Variants in PTPN5 observed in about 807,000 individuals in gnomAD.
PTPN5 encodes the protein tyrosine-protein phosphatase non-receptor type 5.
In PTPN5, 29 loss-of-function variants were observed where a neutral mutation model predicts 73.9. The ratio of observed to expected loss-of-function variants is 0.39; its 90% CI spans 0.29 to 0.54. The LOEUF is 0.54. Ranked by LOEUF, PTPN5 falls within the 20% of genes least tolerant of loss-of-function variation. PTPN5 has a pLI of 0.65. For synonymous variants in PTPN5, 267 were observed against 304.7 expected (o/e 0.88, Z 1.29); for missense variants, 652 against 751.4 (o/e 0.87, Z 1.55).
intron 3 of PTPN5, among the ~76,000 whole-genome samples, chr11:18,755,643 T>A (rs2134265589): frequency 6.6e-6 from 1 of 152,080 alleles, no homozygotes; most frequent in East Asian, 1.9e-4. Flanking sequence ...TTCCAAATGG[T>A]CTTGCTTGTG....
At chr11:18,790,591 CT>C (rs1368784803) in intron 1 of PTPN5, among the ~76,000 whole-genome samples, 4 of 152,154 alleles carry the variant, frequency 2.6e-5, no homozygotes, top group African/African-American at 4.8e-5. Flanking sequence ...TTAAAGCCCC[CT>C]CTCCCCTTTT....
Position 18,729,109 on chromosome 11 carries a change from A to G in PTPN5, c.1605-82T>C, listed in dbSNP as rs947631669. ...GTGCCCCAAAAGCCATGGAGTAGCA[A>G]TCACTTGCCAGGCCTTGCCCCTGTG... On this transcript the variant is annotated intron_variant, in intron 14 of 14. Transcript: ENST00000358540. This position sits in a 1 kb window ranked among gnomAD's most constrained non-coding sequence, Gnocchi z 5.2. 4 of 1,442,078 alleles carry G rather than the reference A, an allele frequency of 2.8e-6. No homozygotes were observed. Among genetic ancestry groups the G allele is most frequent in the Non-Finnish European group, 3.8e-6 (4 of 1,042,708 alleles). The allele number at this position is 1,442,078 out of a possible 1,614,324, so 89.3% of individuals were successfully genotyped here.
chr11:18,776,599 G>A (rs1457001782), intron 1 of PTPN5, among the ~76,000 whole-genome samples: 1 of 152,012 alleles, frequency 6.6e-6, no homozygotes, highest in Non-Finnish European at 1.5e-5. Flanking sequence ...AGAACCATAT[G>A]AGGTAAAAAG....
At chr11:18,778,834 A>G (rs1851289485) in intron 1 of PTPN5, among the ~76,000 whole-genome samples, 1 of 152,148 alleles carries the variant, frequency 6.6e-6, no homozygotes, top group African/African-American at 2.4e-5. Context: ...GAACAGTCTG[A>G]TACACCCCGG....
intron 3 of PTPN5, among the ~76,000 whole-genome samples, chr11:18,757,879 T>C (rs1222197065): frequency 6.6e-6 from 1 of 152,232 alleles, no homozygotes; most frequent in Non-Finnish European, 1.5e-5. Context: ...AACAGTTAGC[T>C]ATCTAGACAT....
chr11:18,785,724 C>T (rs909094688), intron 1 of PTPN5, among the ~76,000 whole-genome samples: 1 of 152,162 alleles, frequency 6.6e-6, no homozygotes, highest in Non-Finnish European at 1.5e-5. Context: ...TGTTTCATGT[C>T]GACTCTTCAG....
chr11:18,770,634 C>T (rs946914917), intron 2 of PTPN5, among the ~76,000 whole-genome samples: 8 of 152,360 alleles, frequency 5.3e-5, no homozygotes, highest in Admixed American at 3.9e-4. Context: ...CTCCTCCCAT[C>T]ACGCTTGTGG....
rs185831265 is a variant in PTPN5, at chr11:18,743,124, C to T, written c.400-49G>A. 5.1e-4 allele frequency: 699 copies of T among 1,370,416 alleles called. 8 individuals are homozygous for T. The East Asian group carries it at 0.012, about 24-fold the overall frequency. The allele number at this position is 1,370,416 out of a possible 1,614,324, so 84.9% of individuals were successfully genotyped here. On this transcript the variant is annotated intron_variant, in intron 5 of 14. Transcript: ENST00000358540. Reference sequence around the variant, plus strand: ...TCAGGGTGGTGGTGGGGGCAGAGTTCTCAGCTCTTGCAATGATGACAAAAC... The same window carrying T: ...TCAGGGTGGTGGTGGGGGCAGAGTTTTCAGCTCTTGCAATGATGACAAAAC...
intron 1 of PTPN5, among the ~76,000 whole-genome samples, chr11:18,787,703 C>T (rs1851732475): frequency 6.6e-6 from 1 of 152,180 alleles, no homozygotes. Flanking sequence ...TATTTAAAGG[C>T]AGATCTCTTT....
In PTPN5 at chr11:18,749,010, A is replaced by C. The variant is rs939559109; in HGVS notation, c.98-4811T>G. Among the ~76,000 whole-genome samples the C allele has an allele frequency of 2.0e-5, 3 of 152,006 alleles. No homozygotes were observed. In the South Asian group the frequency reaches 6.2e-4, roughly 32 times the overall value. ...TTCCCTGCCCTCTCCTTTACTCACT[A>C]TCTTGTTCTGGGAATAATACCACCT... is the stretch of plus-strand genomic sequence containing the variant. On this transcript the variant is annotated intron_variant, in intron 3 of 14. Transcript: ENST00000358540.
intron 2 of PTPN5, among the ~76,000 whole-genome samples, chr11:18,770,381 A>T (rs1423458258): frequency 6.6e-6 from 1 of 152,162 alleles, no homozygotes; most frequent in African/African-American, 2.4e-5. Flanking sequence ...ATTTCATATA[A>T]ATGGAATCAT....
chr11:18,747,430 C>T (rs971682545), intron 3 of PTPN5, among the ~76,000 whole-genome samples: 2 of 152,136 alleles, frequency 1.3e-5, no homozygotes, highest in African/African-American at 2.4e-5. Context: ...GAATTACAGG[C>T]GTGAGCCACC....
intron 12 of PTPN5, among the ~76,000 whole-genome samples, chr11:18,731,862 G>C (rs1002732383): frequency 6.6e-6 from 1 of 152,164 alleles, no homozygotes; most frequent in Admixed American, 6.5e-5. Flanking sequence ...TCAGCTTCCT[G>C]ATGCCTGGTT....
At chr11:18,771,018 G>A (rs1850868875) in intron 2 of PTPN5, among the ~76,000 whole-genome samples, 1 of 152,182 alleles carries the variant, frequency 6.6e-6, no homozygotes, top group Non-Finnish European at 1.5e-5. Flanking sequence ...GACTTATGCA[G>A]AGAAAGAGCT....
In PTPN5 at chr11:18,742,359, G is replaced by T; in HGVS notation, c.628C>A (p.Pro210Thr). 6.2e-7 allele frequency: 1 copy of T among 1,614,156 alleles called. No homozygotes were observed. The highest frequency in any genetic ancestry group is 8.5e-7 in the Non-Finnish European group (1 of 1,180,036). ...TCAAACACAGGAGTCTCGGGCACCG[G>T]GTCGAGGTCCAGGAAGTCATCCTCG... ...KIEDDFLDLD[P>T]VPETPVFDCV... is the part of the protein sequence containing the mutation. Residue 210 changes from proline to threonine, a missense_variant, in exon 7 of 15, where the codon CCG becomes ACG. Pro to Thr is a conservative substitution (Grantham distance 38). Transcript: ENST00000358540. The surrounding 1 kb of genome is among the most constrained non-coding windows in gnomAD (Gnocchi z 4.1).
Position 18,729,972 on chromosome 11 carries a change from G to T in PTPN5, c.1330-154C>A. 1.0e-6 allele frequency: 1 copy of T among 1,000,534 alleles called. No homozygotes were observed. 62.0% of individuals were successfully genotyped at this position (1,000,534 alleles called of 1,614,324 possible). The stretch of plus-strand genomic sequence containing the variant: ...CCTTCCATCTAGGCCACATTGCCCA[G>T]TGGCACCAGACACAGACCCAAAGCC... On this transcript the variant is annotated intron_variant, in intron 12 of 14. Transcript: ENST00000358540. This position sits in a 1 kb window ranked among gnomAD's most constrained non-coding sequence, Gnocchi z 5.2.
intron 1 of PTPN5, among the ~76,000 whole-genome samples, chr11:18,779,153 T>C (rs1851305058): frequency 1.3e-5 from 2 of 152,162 alleles, no homozygotes; most frequent in South Asian, 4.1e-4. Context: ...TGCTGTGAGC[T>C]CCAGCTTCTC....
intron 1 of PTPN5, among the ~76,000 whole-genome samples, chr11:18,788,153 G>C (rs911147395): frequency 1.1e-4 from 16 of 152,094 alleles, no homozygotes; most frequent in African/African-American, 3.9e-4. Context: ...GTGGCCTCTT[G>C]CATCAACTCC....
In PTPN5 at chr11:18,729,031, C is replaced by T. The variant is rs751207408; in HGVS notation, c.1605-4G>A. 11 of 1,613,334 alleles carry T rather than the reference C, an allele frequency of 6.8e-6. No individual in the cohort carries two copies. The highest frequency in any genetic ancestry group is 3.3e-5 in the South Asian group (3 of 91,032). On this transcript the variant is annotated splice_region_variant and splice_polypyrimidine_tract_variant and intron_variant, in intron 14 of 14. Coordinates refer to ENST00000358540, the MANE Select transcript of PTPN5 (RefSeq NM_006906.2). The surrounding 1 kb of genome is among the most constrained non-coding windows in gnomAD (Gnocchi z 5.2). ...GCATGTCTGGATCATGCCGCCCCTG[C>T]CCGGCAGAGATGCACAGTGGGGGCA...
Sources: allele counts gnomAD v4.1 joint callset (sites outside exome capture counted in the v4.1 genomes callset), GRCh38; gene constraint gnomAD v4.1.1; non-coding constraint Gnocchi (gnomAD v3.1); transcripts MANE v1.5; gene names NCBI Gene and HGNC (gene_info 2026-07-23, HGNC 2026-07-21).